The following ZNF33B variants were observed in gnomAD, a reference collection of about 807,000 sequenced individuals.
The protein encoded by ZNF33B is zinc finger protein 11b (KOX 2).
Under a neutral mutation model 45.8 loss-of-function variants are expected in ZNF33B, and 29 were observed. That is an observed-to-expected ratio of 0.63 (90% CI 0.47 to 0.86). The LOEUF is 0.86. Ranked by LOEUF, ZNF33B falls within the 40% of genes least tolerant of loss-of-function variation. The pLI, the probability that ZNF33B is intolerant of heterozygous loss-of-function variation, is 0.00. For missense variants in ZNF33B, 831 were observed against 909.9 expected, an observed-to-expected ratio of 0.91 and a Z score of 1.12; for synonymous variants, 305 against 307.8, an observed-to-expected ratio of 0.99 and a Z score of 0.10.
intron 4 of ZNF33B, among the ~76,000 whole-genome samples, chr10:42,597,482 T>C (rs1325962282): frequency 6.6e-6 from 1 of 152,130 alleles, no homozygotes; most frequent in East Asian, 1.9e-4. Context: ...GATCATAAGA[T>C]TTTCTGGCAC....
At chr10:42,623,925 GT>G (rs772635525) in intron 4 of ZNF33B, among the ~76,000 whole-genome samples, 17 of 152,228 alleles carry the variant, frequency 1.1e-4, no homozygotes, top group African/African-American at 3.9e-4. Flanking sequence ...TTTGTCAACA[GT>G]TTGTCAAATG....
At chr10:42,581,482 A>AG (rs1564487925) in intron 1 of ZNF33B, 20 of 144,976 alleles carry the variant, frequency 1.4e-4, no homozygotes, top group African/African-American at 5.1e-4. Context: ...AAAAAAAAAA[A>AG]AAAAAAAGTG....
rs41306548 is a variant in ZNF33B at position 42,582,493 on chromosome 10, A to G, written c.74-7815T>C. ...AGGGAGGCAGAAAGAGCAAGTGAGC[A>G]TGAGACAAAAACAACTGTAGGGTGG... On this transcript the variant is annotated intron_variant, in intron 1 of 1. Transcript: ENST00000462075. 628 of 152,508 alleles carry G rather than the reference A, an allele frequency of 4.1e-3. 2 individuals are homozygous for G. Among genetic ancestry groups the G allele is most frequent in the Middle Eastern group, 6.8e-3 (2 of 296 alleles). 9.4% of individuals were successfully genotyped at this position (152,508 alleles called of 1,614,324 possible).
Position 42,632,426 on chromosome 10 carries a change from A to T in ZNF33B, c.23T>A (p.Phe8Tyr), listed in dbSNP as rs754934525. ...ATCTTTAAATGATACTGACCCCTGG[A>T]ACTTCTGATCTACCTGAAATGTTCA... MNKVDQK[F>Y]QGSVSFKDVT... Residue 8 changes from phenylalanine (F) to tyrosine (Y), a missense_variant, in exon 3 of 5, where the codon TTC becomes TAC. Physicochemically the swap from Phe to Tyr is conservative, Grantham distance 22. Coordinates refer to ENST00000359467, the MANE Select transcript of ZNF33B (RefSeq NM_006955.3). The T allele has an allele frequency of 6.8e-5, 109 of 1,613,412 alleles. No individual in the cohort carries two copies. The highest frequency in any genetic ancestry group is 1.0e-4 in the Admixed American group (6 of 59,804).
Position 42,590,083 on chromosome 10 carries a change from A to G in ZNF33B, c.*2530T>C, listed in dbSNP as rs564786401. On this transcript the variant is annotated 3_prime_UTR_variant, in exon 5 of 5. Coordinates refer to ENST00000359467, the MANE Select transcript of ZNF33B (RefSeq NM_006955.3). ...AATCTTTGAACTGCTAATGCATGCA[A>G]TGGATTGCACTGAATATCAAATGTT... The G allele has an allele frequency of 5.3e-5, 8 of 152,330 alleles. No homozygotes were observed. In the East Asian group the frequency reaches 9.6e-4, roughly 18 times the overall value. 9.4% of individuals were successfully genotyped at this position (152,330 alleles called of 1,614,324 possible).
At position 42,593,371 on chromosome 10, in the gene ZNF33B, ATT is replaced by A; in HGVS notation, c.1577_1578del (p.Glu526ValfsTer3). ...QIIHTGLKPY[E>X]CYECGKTFCL... Reference sequence around the variant, plus strand: ...CAGAAGGTTTTCCCACATTCATAACATTCATAAGGTTTCAACCCTGTATGAAT... The same window carrying A: ...CAGAAGGTTTTCCCACATTCATAACACATAAGGTTTCAACCCTGTATGAAT... On this transcript the variant is annotated frameshift_variant, in exon 5 of 5. Coordinates refer to ENST00000359467, the MANE Select transcript of ZNF33B (RefSeq NM_006955.3). LOFTEE classifies it high-confidence loss of function. 6.2e-7 allele frequency: 1 copy of A among 1,613,916 alleles called. No individual in the cohort carries two copies. The highest frequency in any genetic ancestry group is 8.5e-7 in the Non-Finnish European group (1 of 1,179,950).
At chr10:42,597,740 A>C (rs1353176417) in intron 4 of ZNF33B, among the ~76,000 whole-genome samples, 5 of 152,176 alleles carry the variant, frequency 3.3e-5, no homozygotes, top group Admixed American at 6.5e-5. Context: ...TAAAAGTTAA[A>C]AAAATACAAG....
intron 4 of ZNF33B, among the ~76,000 whole-genome samples, chr10:42,619,344 T>C (rs1195247561): frequency 6.6e-6 from 1 of 152,168 alleles, no homozygotes; most frequent in Admixed American, 6.5e-5. Context: ...ATGGATGACA[T>C]ATATAAATTC....
intron 1 of ZNF33B, 146 bp from the exon 2 acceptor site, chr10:42,637,118 A>G: frequency 2.8e-6 from 2 of 712,578 alleles, no homozygotes; most frequent in South Asian, 3.8e-5. Context: ...ACTTCGGAAT[A>G]GGGGGTAGAA....
Position 42,592,928 on chromosome 10 carries a change from G to C in ZNF33B, c.2022C>G (p.Phe674Leu), listed in dbSNP as rs201626633. The part of the protein sequence containing the change: ...PYKCNECGKS[F>L]CVKSGLILHE... The stretch of plus-strand genomic sequence containing the variant: ...GTAAAATAAGTCCTGACTTCACACA[G>C]AAAGATTTTCCACATTCGTTACATT... The change falls in exon 5 of 5, where the codon TTC becomes TTG. Residue 674 changes from phenylalanine (F) to leucine (L), a missense_variant. By Grantham distance (22) the Phe-to-Leu change is conservative (BLOSUM62 0). Coordinates refer to ENST00000359467, the MANE Select transcript of ZNF33B (RefSeq NM_006955.3). 1.2e-6 allele frequency: 2 copies of C among 1,611,940 alleles called. No individual in the cohort carries two copies. The highest frequency in any genetic ancestry group is 1.7e-5 in the Admixed American group (1 of 59,810).
intron 4 of ZNF33B, among the ~76,000 whole-genome samples, chr10:42,620,640 G>A (rs948272338): frequency 6.6e-6 from 1 of 151,778 alleles, no homozygotes; most frequent in African/African-American, 2.4e-5. Context: ...CAAGGCCTGG[G>A]CTCAAGAGAT....
chr10:42,627,364 T>C (rs1252983017), intron 4 of ZNF33B, among the ~76,000 whole-genome samples: 1 of 152,222 alleles, frequency 6.6e-6, no homozygotes, highest in Non-Finnish European at 1.5e-5. Context: ...TACTGTTAAA[T>C]GGATGGTGGA....
chr10:42,626,278 G>C (rs1344602648), intron 4 of ZNF33B, among the ~76,000 whole-genome samples: 1 of 152,152 alleles, frequency 6.6e-6, no homozygotes, highest in African/African-American at 2.4e-5. Flanking sequence ...CTATTTGCTA[G>C]TGTTTTGGTA....
At chr10:42,588,745 G>A (rs756505292), downstream of ZNF33B, among the ~76,000 whole-genome samples, 2 of 152,168 alleles carry the variant, frequency 1.3e-5, no homozygotes, top group Non-Finnish European at 2.9e-5. Context: ...TGCTGTGGGA[G>A]GATGTGAGGG....
intron 4 of ZNF33B, among the ~76,000 whole-genome samples, chr10:42,606,562 T>C (rs1369543112): frequency 6.6e-6 from 1 of 152,000 alleles, no homozygotes; most frequent in Non-Finnish European, 1.5e-5. Context: ...AAAGCAGAAA[T>C]GAAGAATAAG....
Position 42,577,106 on chromosome 10 carries a change from C to G in ZNF33B, c.74-2428G>C, listed in dbSNP as rs147988362. Among the ~76,000 whole-genome samples, 7 of 118,392 alleles carry G rather than the reference C, an allele frequency of 5.9e-5. No individual in the cohort carries two copies. In the East Asian group the frequency reaches 2.0e-3, roughly 33 times the overall value. 77.7% of individuals were successfully genotyped at this position (118,392 alleles called of 152,430 possible). A position where few individuals can be genotyped will look rare whatever the true frequency, so the allele number is the denominator to read the frequency against. On this transcript the variant is annotated intron_variant, in intron 1 of 1. Coordinates refer to the ZNF33B transcript ENST00000462075. ...TGAGATCGTGCCATTGCACTCCAGT[C>G]TGGGTGACGGAGCAAGACTCCATCT... is the stretch of plus-strand genomic sequence containing the variant.
In ZNF33B at chr10:42,594,049, A is replaced by T. The variant is rs1200590613; in HGVS notation, c.901T>A (p.Tyr301Asn). Reference protein sequence around the residue: ...SKHDGVPVKHYDCGESGNNFR... With the variant: ...SKHDGVPVKHNDCGESGNNFR... ...TTATTCCCACTTTCACCACAATCAT[A>T]GTGTTTCACAGGTACCCCATCATGT... is the stretch of plus-strand genomic sequence containing the variant. The change falls in exon 5 of 5, where the codon TAT becomes AAT. Residue 301 changes from tyrosine (Y) to asparagine (N), a missense_variant. By Grantham distance (143) the Tyr-to-Asn change is moderately radical (BLOSUM62 -2). Coordinates refer to ENST00000359467, the MANE Select transcript of ZNF33B (RefSeq NM_006955.3). 1 of 1,613,976 alleles carries T rather than the reference A, an allele frequency of 6.2e-7. No individual in the cohort carries two copies. The highest frequency in any genetic ancestry group is 1.3e-5 in the African/African-American group (1 of 74,924).
Position 42,594,052 on chromosome 10 carries a change from G to A in ZNF33B, c.898C>T (p.His300Tyr), listed in dbSNP as rs1301323826. 1.9e-6 allele frequency: 3 copies of A among 1,613,918 alleles called. No homozygotes were observed. The highest frequency in any genetic ancestry group is 1.3e-5 in the African/African-American group (1 of 74,888). ...TTCCCACTTTCACCACAATCATAGT[G>A]TTTCACAGGTACCCCATCATGTTTA... ...LSKHDGVPVK[H>Y]YDCGESGNNF... The change falls in exon 5 of 5, where the codon CAC (histidine) becomes TAC (tyrosine). Residue 300 changes from histidine (H) to tyrosine (Y), a missense_variant. By Grantham distance (83) the His-to-Tyr change is moderately conservative. Coordinates refer to ENST00000359467, the MANE Select transcript of ZNF33B (RefSeq NM_006955.3).
chr10:42,577,151 A>AT (rs1345408042), intron 1 of ZNF33B, among the ~76,000 whole-genome samples: 1 of 151,342 alleles, frequency 6.6e-6, no homozygotes, highest in Non-Finnish European at 1.5e-5. Context: ...AAAAAAAAAA[A>AT]AAAAATTCCC....
Sources: allele counts gnomAD v4.1 joint callset (sites outside exome capture counted in the v4.1 genomes callset), GRCh38; gene constraint gnomAD v4.1.1; transcripts MANE v1.5; gene names NCBI Gene and HGNC (gene_info 2026-07-23, HGNC 2026-07-21).